Variants in KIF22 observed in about 807,000 individuals in gnomAD.
KIF22 encodes the protein kinesin-like protein KIF22.
Under a neutral mutation model 73.0 loss-of-function variants are expected in KIF22, and 62 were observed. That is an observed-to-expected ratio of 0.85 (90% CI 0.69 to 1.05). The LOEUF is 1.05. KIF22 is among the 50% of genes least tolerant of loss of function. The probability of loss-of-function intolerance (pLI) is 0.00; values close to 1 mark genes in which losing one functional copy is unlikely to be tolerated. For synonymous variants in KIF22, 411 were observed against 340.1 expected, an observed-to-expected ratio of 1.21 and a Z score of -2.29; for missense variants, 854 against 870.1, an observed-to-expected ratio of 0.98 and a Z score of 0.23.
chr16:29,794,490 G>C (rs1435662992), intron 1 of KIF22, among the ~76,000 whole-genome samples: 1 of 152,166 alleles, frequency 6.6e-6, no homozygotes, highest in Non-Finnish European at 1.5e-5. Flanking sequence ...TGGCAGAGCT[G>C]GGATTTCAAC....
chr16:29,794,099 G>A (rs1316407809), intron 1 of KIF22, among the ~76,000 whole-genome samples: 1 of 152,192 alleles, frequency 6.6e-6, no homozygotes, highest in African/African-American at 2.4e-5. Flanking sequence ...AACATTGTAT[G>A]TACATTATTA....
At chr16:29,796,822 C>A in intron 1 of KIF22, 71 bp from the exon 2 acceptor site, 1 of 1,473,668 alleles carries the variant, frequency 6.8e-7, no homozygotes, top group Non-Finnish European at 9.4e-7. Context: ...CCAGCCCGCC[C>A]AGCAAAGTTG....
intron 13 of KIF22, 31 bp from the exon 14 acceptor site, chr16:29,805,232 C>T (rs755599745): frequency 1.9e-6 from 3 of 1,613,856 alleles, no homozygotes; most frequent in Admixed American, 1.7e-5. Flanking sequence ...CCCTCTCTAA[C>T]GTCGCTGTCT....
Position 29,799,115 on chromosome 16 carries a change from A to C in KIF22, c.690A>C (p.Arg230=). The change falls in exon 5 of 14, where the codon CGA becomes CGC. Residue 230 remains arginine, a synonymous_variant. Transcript: ENST00000160827. ...DFERHFLPAS[R]NRTVGATRLN... ...AGCGGCACTTCCTGCCAGCCAGTCG[A>C]AATCGGACTGTAGGAGCCACCCGGC... 1 of 1,614,126 alleles carries C rather than the reference A, an allele frequency of 6.2e-7. No homozygotes were observed. Among genetic ancestry groups the C allele is most frequent in the Non-Finnish European group, 8.5e-7 (1 of 1,180,018 alleles).
Position 29,804,010 on chromosome 16 carries a change from C to G in KIF22, c.1622C>G (p.Ala541Gly), listed in dbSNP as rs1324842169. The change falls in exon 11 of 14, where the codon GCA becomes GGA. Residue 541 changes from alanine (A) to glycine (G), a missense_variant. This residue lies in a region of KIF22 where 423 missense variants were observed against 365.4 expected (regional missense o/e 1.16). Transcript: ENST00000160827. Reference protein sequence around the residue: ...VMPLQLIQEQAASPNAEIHIL... With the variant: ...VMPLQLIQEQGASPNAEIHIL... ...TTCCTACTTTCAGTTCAGGAGCAGGCAGCATCCCCAAATGCCGAGATCCAC... is the reference window on the plus strand; with the variant it reads ...TTCCTACTTTCAGTTCAGGAGCAGGGAGCATCCCCAAATGCCGAGATCCAC... 1 of 1,604,200 alleles carries G rather than the reference C, an allele frequency of 6.2e-7. No individual in the cohort carries two copies. The highest frequency in any genetic ancestry group is 1.4e-5 in the African/African-American group (1 of 71,870).
At chr16:29,803,113 TGA>T (rs1899198938) in intron 9 of KIF22, among the ~76,000 whole-genome samples, 176 bp downstream of exon 9, 1 of 152,054 alleles carries the variant, frequency 6.6e-6, no homozygotes, top group African/African-American at 2.4e-5. Flanking sequence ...GACAGACAAT[TGA>T]GACCAGATGT....
rs1899009920 is a variant in KIF22, at chr16:29,798,395, G to C, written c.288G>C (p.Glu96Asp). The change falls in exon 3 of 14, where the codon GAG becomes GAC. Residue 96 changes from glutamate (E) to aspartate (D), a missense_variant. Around this residue, in one of 3 missense-constraint regions of KIF22, gnomAD observed 186 missense variants for 152.9 expected, o/e 1.22. Coordinates refer to ENST00000160827, the MANE Select transcript of KIF22 (RefSeq NM_007317.3). The surrounding 1 kb of genome is among the most constrained non-coding windows in gnomAD (Gnocchi z 4.1). ...LKYQFDAFYGERSTQQDIYAG... is the reference protein window; with the variant it reads ...LKYQFDAFYGDRSTQQDIYAG... ...GCAGGTTTGATGCCTTCTATGGGGAGAGGAGTACTCAGCAGGACATCTATG... is the reference window on the plus strand; with the variant it reads ...GCAGGTTTGATGCCTTCTATGGGGACAGGAGTACTCAGCAGGACATCTATG... The C allele has an allele frequency of 1.3e-6, 2 of 1,575,350 alleles. No individual in the cohort carries two copies. Among genetic ancestry groups the C allele is most frequent in the African/African-American group, 2.7e-5 (2 of 73,604 alleles).
intron 1 of KIF22, among the ~76,000 whole-genome samples, chr16:29,793,364 G>A (rs1371223510): frequency 6.6e-6 from 1 of 152,104 alleles, no homozygotes; most frequent in African/African-American, 2.4e-5. Flanking sequence ...CGCTTGAACC[G>A]GGAGGCGGAG....
chr16:29,802,742 T>A (rs1436624098), intron 8 of KIF22, 27 bp from the exon 9 acceptor site: 1 of 1,528,016 alleles, frequency 6.5e-7, no homozygotes, highest in African/African-American at 1.4e-5. Flanking sequence ...AGGAGGTAGG[T>A]GGGGAGCAAC....
chr16:29,804,610 G>A, intron 11 of KIF22: 1 of 696,656 alleles, frequency 1.4e-6, no homozygotes, highest in African/African-American at 1.7e-5. Context: ...ATTACCACTG[G>A]GTACTGAGTA....
chr16:29,803,625 G>A lies in KIF22; in HGVS notation c.1609+17G>A, dbSNP rs757280919. The A allele has an allele frequency of 3.8e-6, 6 of 1,591,054 alleles. No homozygotes were observed. The highest frequency in any genetic ancestry group is 5.1e-6 in the Non-Finnish European group (6 of 1,167,152). ...TACAGCTAAGTAAGTTTGACTCCAG[G>A]GGCTGGGGGGCCAAGGCAGCTGAGA... On this transcript the variant is annotated intron_variant, in intron 10 of 13. Transcript: ENST00000160827.
In KIF22 at chr16:29,797,172, C is replaced by A; in HGVS notation, c.266+84C>A. The stretch of plus-strand genomic sequence containing the variant: ...CACGTTCCCCTGCCTCCCCAGGATC[C>A]TTGCTCCCTCCTTAGCACCGCTTTG... On this transcript the variant is annotated intron_variant, in intron 2 of 13. Coordinates refer to ENST00000160827, the MANE Select transcript of KIF22 (RefSeq NM_007317.3). The surrounding 1 kb of genome is among the most constrained non-coding windows in gnomAD (Gnocchi z 4.1). 9.7e-7 allele frequency: 1 copy of A among 1,029,380 alleles called. No homozygotes were observed. The highest frequency in any genetic ancestry group is 1.6e-5 in the South Asian group (1 of 63,434). 63.8% of individuals were successfully genotyped at this position (1,029,380 alleles called of 1,614,324 possible).
rs535124558 is a variant in KIF22 at position 29,797,937 on chromosome 16, T to C, written c.267-437T>C. ...CATTATGGTGTAAAATACAATGTTCTACACATGTAGCCATTTGAAAAAGAC... is the reference window on the plus strand; with the variant it reads ...CATTATGGTGTAAAATACAATGTTCCACACATGTAGCCATTTGAAAAAGAC... On this transcript the variant is annotated intron_variant, in intron 2 of 13. Transcript: ENST00000160827. The surrounding 1 kb of genome is among the most constrained non-coding windows in gnomAD (Gnocchi z 4.1). Among the ~76,000 whole-genome samples, 34 of 152,202 alleles carry C rather than the reference T, an allele frequency of 2.2e-4. No individual in the cohort carries two copies. Among genetic ancestry groups the C allele is most frequent in the Non-Finnish European group, 3.8e-4 (26 of 68,038 alleles).
Position 29,803,358 on chromosome 16 carries a change from C to T in KIF22, c.1450-91C>T, listed in dbSNP as rs1208933650. On this transcript the variant is annotated intron_variant, in intron 9 of 13. Transcript: ENST00000160827. ...GTCCTAGCCCTGCCCTCTGGGGGCTCAGAGCCTTGCATACTCACCCTGGTA... is the reference window on the plus strand; with the variant it reads ...GTCCTAGCCCTGCCCTCTGGGGGCTTAGAGCCTTGCATACTCACCCTGGTA... 6.7e-6 allele frequency: 10 copies of T among 1,501,760 alleles called. No homozygotes were observed. In the South Asian group the frequency reaches 1.3e-4, roughly 19 times the overall value. 93.0% of individuals were successfully genotyped at this position (1,501,760 alleles called of 1,614,324 possible).
At chr16:29,796,842 T>G (rs980543168) in intron 1 of KIF22, 51 bp from the exon 2 acceptor site, 13 of 1,588,312 alleles carry the variant, frequency 8.2e-6, no homozygotes, top group African/African-American at 2.7e-5. Flanking sequence ...GGTCCCTGCT[T>G]CTTCTGCTAC....
At chr16:29,793,354 C>T (rs1242041417) in intron 1 of KIF22, among the ~76,000 whole-genome samples, 1 of 152,076 alleles carries the variant, frequency 6.6e-6, no homozygotes, top group African/African-American at 2.4e-5. Context: ...GCAGGAGAAT[C>T]GCTTGAACCG....
At position 29,799,173 on chromosome 16, in the gene KIF22, C is replaced by A; in HGVS notation, c.748C>A (p.Leu250Ile). 1 of 1,613,720 alleles carries A rather than the reference C, an allele frequency of 6.2e-7. No individual in the cohort carries two copies. The change falls in exon 5 of 14, where the codon CTC becomes ATC. Residue 250 changes from leucine to isoleucine, a missense_variant. Around this residue, in one of 3 missense-constraint regions of KIF22, gnomAD observed 245 missense variants for 351.8 expected, o/e 0.70. Transcript: ENST00000160827. ...NQRSSRSHAV[L>I]LVKVDQRERL... Reference sequence around the variant, plus strand: ...GCGCTCCTCCCGCAGTCATGCTGTGCTCCTGGTCAAGGTGAGGCCGCAGAC... The same window carrying A: ...GCGCTCCTCCCGCAGTCATGCTGTGATCCTGGTCAAGGTGAGGCCGCAGAC...
chr16:29,790,821 C>T lies in KIF22; in HGVS notation c.62C>T (p.Ala21Val), dbSNP rs1441311190. The T allele has an allele frequency of 6.2e-7, 1 of 1,601,436 alleles. No homozygotes were observed. The highest frequency in any genetic ancestry group is 2.3e-5 in the East Asian group (1 of 44,376). The change falls in exon 1 of 14, where the codon GCG (alanine) becomes GTG (valine). Residue 21 changes from alanine (A) to valine (V), a missense_variant. Around this residue, in one of 3 missense-constraint regions of KIF22, gnomAD observed 186 missense variants for 152.9 expected, o/e 1.22. Coordinates refer to ENST00000160827, the MANE Select transcript of KIF22 (RefSeq NM_007317.3). ...GAGATGGCGGCAGCTTCAGCGGCGG[C>T]GATCTCAGGTACTTGAGCCCGGCCT... ...RREMAAASAA[A>V]ISGAGRCRLS...
At chr16:29,802,267 C>CAAAA (rs71389599) in intron 8 of KIF22, among the ~76,000 whole-genome samples, 56 of 33,572 alleles carry the variant, frequency 1.7e-3, no homozygotes, top group Non-Finnish European at 2.4e-3. Context: ...GACCCTGTCT[C>CAAAA]AAAAAAAAAA....
Sources: gnomAD v4.1 joint callset for allele counts (sites outside exome capture counted in the v4.1 genomes callset) on GRCh38, gnomAD v4.1.1 for gene constraint, gnomAD v4.1.1 regional missense constraint, Gnocchi (gnomAD v3.1) non-coding constraint, MANE v1.5 for transcripts, NCBI Gene and HGNC (gene_info 2026-07-23, HGNC 2026-07-21) for gene names.